CPPED1: variants seen among roughly 807,000 people sequenced by gnomAD.
CPPED1 encodes the protein calcineurin like phosphoesterase domain containing 1.
A neutral mutation model predicts 28.0 loss-of-function variants in CPPED1; 28 were observed. The ratio of observed to expected loss-of-function variants is 1.00; its 90% CI spans 0.74 to 1.37. The LOEUF is 1.37. CPPED1 is among the 40% of genes most tolerant of loss of function. The pLI, the probability that CPPED1 is intolerant of heterozygous loss-of-function variation, is 0.00. For synonymous variants in CPPED1, 198 were observed against 180.2 expected (o/e 1.10, Z -0.79); for missense variants, 504 against 416.5 (o/e 1.21, Z -1.83).
chr16:12,771,787 G>C (rs2080471673), intron 2 of CPPED1, among the ~76,000 whole-genome samples: 2 of 152,126 alleles, frequency 1.3e-5, no homozygotes, highest in African/African-American at 4.8e-5. Context: ...TTGTTCAATG[G>C]CTTTATTTCC....
intron 3 of CPPED1, among the ~76,000 whole-genome samples, chr16:12,692,262 C>T (rs1358651926): frequency 6.6e-6 from 1 of 152,162 alleles, no homozygotes; most frequent in Non-Finnish European, 1.5e-5. Flanking sequence ...GACAGGCTAA[C>T]TTTAATTTGT....
At chr16:12,683,550 C>T (rs1014943876) in intron 3 of CPPED1, among the ~76,000 whole-genome samples, 1 of 152,296 alleles carries the variant, frequency 6.6e-6, no homozygotes, top group Admixed American at 6.5e-5. Context: ...AAACTCAACC[C>T]GCTTACTTCT....
intron 2 of CPPED1, among the ~76,000 whole-genome samples, chr16:12,740,663 G>T (rs879406622): frequency 9.2e-5 from 14 of 152,138 alleles, no homozygotes; most frequent in Non-Finnish European, 1.6e-4. Context: ...ATATAGCAGG[G>T]GTTTTCAGCC....
At chr16:12,795,373 T>C (rs2080621471) in intron 1 of CPPED1, among the ~76,000 whole-genome samples, 1 of 151,956 alleles carries the variant, frequency 6.6e-6, no homozygotes, top group East Asian at 1.9e-4. Flanking sequence ...AGAGTCTCGC[T>C]CTGTGGCCCA....
chr16:12,719,390 CAAAA>C (rs746297859), intron 2 of CPPED1, among the ~76,000 whole-genome samples: 2 of 90,490 alleles, frequency 2.2e-5, no homozygotes, highest in African/African-American at 3.8e-5. Context: ...GACTGCGTCT[CAAAA>C]AAAAAAAAAA....
chr16:12,668,769 C>T (rs542816384), intron 3 of CPPED1, among the ~76,000 whole-genome samples: 2 of 152,240 alleles, frequency 1.3e-5, no homozygotes, highest in Admixed American at 1.3e-4. Flanking sequence ...ATGCGATTAG[C>T]GACAATGAGA....
At chr16:12,777,807 T>C (rs549047924) in intron 2 of CPPED1, among the ~76,000 whole-genome samples, 1 of 142,696 alleles carries the variant, frequency 7.0e-6, no homozygotes, top group Admixed American at 6.9e-5. Context: ...CACACAGACA[T>C]TTTTGTGGAT....
chr16:12,707,037 C>T (rs551052153), intron 2 of CPPED1, among the ~76,000 whole-genome samples: 5 of 152,124 alleles, frequency 3.3e-5, no homozygotes, highest in East Asian at 1.9e-4. Flanking sequence ...CTTCTTTAGC[C>T]GAACCCGGAC....
chr16:12,780,065 G>T (rs1596482513), intron 2 of CPPED1, among the ~76,000 whole-genome samples: 1 of 152,112 alleles, frequency 6.6e-6, no homozygotes, highest in Admixed American at 6.6e-5. Context: ...TTTTTTCGGG[G>T]GAGACTGTCC....
At chr16:12,685,539 C>T (rs2079928357) in intron 3 of CPPED1, among the ~76,000 whole-genome samples, 3 of 152,144 alleles carry the variant, frequency 2.0e-5, no homozygotes, top group Non-Finnish European at 4.4e-5. Context: ...TGCGTTTAAA[C>T]CCCTGGCACA....
chr16:12,689,909 C>G (rs996225095), intron 3 of CPPED1, among the ~76,000 whole-genome samples: 3 of 152,172 alleles, frequency 2.0e-5, no homozygotes, highest in Non-Finnish European at 4.4e-5. Flanking sequence ...TCCAAGGAAA[C>G]CAAGTCGACA....
At chr16:12,740,225 T>C (rs774835496) in intron 2 of CPPED1, among the ~76,000 whole-genome samples, 1 of 152,014 alleles carries the variant, frequency 6.6e-6, no homozygotes, top group Non-Finnish European at 1.5e-5. Flanking sequence ...GGTGGGCGGG[T>C]ACCTGAGGTC....
intron 2 of CPPED1, chr16:12,745,814 T>C (rs1246421016): frequency 1.3e-5 from 2 of 152,156 alleles, no homozygotes; most frequent in Admixed American, 1.3e-4. Context: ...AAGTTACCTA[T>C]GTAATAAACC....
chr16:12,786,768 A>C (rs927052842), intron 1 of CPPED1, among the ~76,000 whole-genome samples: 1 of 152,098 alleles, frequency 6.6e-6, no homozygotes, highest in African/African-American at 2.4e-5. Flanking sequence ...AAAACACAAA[A>C]ATTAGTCAGG....
intron 2 of CPPED1, among the ~76,000 whole-genome samples, chr16:12,712,638 T>C (rs995917975): frequency 4.6e-5 from 7 of 152,122 alleles, no homozygotes; most frequent in Non-Finnish European, 1.0e-4. Flanking sequence ...CACGGATATA[T>C]AGAAAAGGTG....
At chr16:12,712,490 A>G (rs141826075) in intron 2 of CPPED1, among the ~76,000 whole-genome samples, 25 of 152,338 alleles carry the variant, frequency 1.6e-4, no homozygotes, top group African/African-American at 5.8e-4. Context: ...TGTGCAAAAC[A>G]TAACTATTCC....
At chr16:12,781,124 C>T in intron 2 of CPPED1, 61 bp downstream of exon 2, 1 of 1,479,124 alleles carries the variant, frequency 6.8e-7, no homozygotes, top group South Asian at 1.2e-5. Context: ...TTTTCTCCTG[C>T]CCAAATGCAG....
intron 1 of CPPED1, among the ~76,000 whole-genome samples, chr16:12,782,690 T>A (rs1455357022): frequency 6.6e-6 from 1 of 151,468 alleles, no homozygotes; most frequent in Non-Finnish European, 1.5e-5. Flanking sequence ...TGAAACCCCA[T>A]CTCTATCAAA....
intron 1 of CPPED1, among the ~76,000 whole-genome samples, chr16:12,801,014 TC>T (rs1402781907): frequency 4.6e-5 from 7 of 152,088 alleles, no homozygotes; most frequent in African/African-American, 1.7e-4. Flanking sequence ...CTTGAACCAC[TC>T]CCCCGCCCCC....
Sources: gnomAD v4.1 joint callset for allele counts (sites outside exome capture counted in the v4.1 genomes callset) on GRCh38, gnomAD v4.1.1 for gene constraint, MANE v1.5 for transcripts, NCBI Gene and HGNC (gene_info 2026-07-23, HGNC 2026-07-21) for gene names.